UBE2E1: variants seen among roughly 807,000 people sequenced by gnomAD.
The protein encoded by UBE2E1 is ubiquitin-conjugating enzyme E2 E1.
In UBE2E1, 6 loss-of-function variants were observed where a neutral mutation model predicts 21.4. That is an observed-to-expected ratio of 0.28 (90% confidence interval 0.15 to 0.55). The LOEUF is 0.55. Ranked by LOEUF, UBE2E1 falls within the 20% of genes least tolerant of loss-of-function variation. The pLI, the probability that UBE2E1 is intolerant of heterozygous loss-of-function variation, is 0.93. For missense variants in UBE2E1, 142 were observed against 236.5 expected (o/e 0.60, Z 2.62); for synonymous variants, 87 against 82.7 (o/e 1.05, Z -0.28).
At position 23,842,198 on chromosome 3, in the gene UBE2E1, G is replaced by GGGGGGGGGGTGTGTGT. The variant is rs1553637704; in HGVS notation, c.203+30689_203+30690insGGGGGGGGTGTGTGTG. ...TATGTCATGACCCAGTAAGTGAAGG[G>GGGGGGGGGGTGTGTGT]GTGTGTGTGTGTGTGTGTGTGTGTG... On this transcript the variant is annotated intron_variant, in intron 3 of 5. Coordinates refer to ENST00000306627, the MANE Select transcript of UBE2E1 (RefSeq NM_003341.5). The surrounding 1 kb of genome is among the most constrained non-coding windows in gnomAD (Gnocchi z 4.6). 9.6e-6 allele frequency among the ~76,000 whole-genome samples: 1 copy of GGGGGGGGGGTGTGTGT among 104,284 alleles called. No homozygotes were observed. Among genetic ancestry groups the GGGGGGGGGGTGTGTGT allele is most frequent in the African/African-American group, 3.6e-5 (1 of 27,628 alleles). The allele number at this position is 104,284 out of a possible 152,430, so 68.4% of individuals were successfully genotyped here. A position where few individuals can be genotyped will look rare whatever the true frequency, so the allele number is the denominator to read the frequency against.
chr3:23,807,299 C>G lies in UBE2E1; in HGVS notation c.30C>G (p.Thr10=). 3.7e-6 allele frequency: 6 copies of G among 1,613,816 alleles called. No individual in the cohort carries two copies. In the South Asian group the frequency reaches 5.5e-5, roughly 15 times the overall value. ...CGGATGACGATTCGAGGGCCAGCAC[C>G]AGCTCCTCCTCATCTTCGTCTTCCA... MSDDDSRAS[T]SSSSSSSSNQ... is the part of the protein sequence containing the mutation. The change falls in exon 2 of 6, where the codon ACC becomes ACG. Residue 10 remains threonine (T), a synonymous_variant. Transcript: ENST00000306627.
intron 3 of UBE2E1, among the ~76,000 whole-genome samples, chr3:23,848,999 G>A (rs1700267220): frequency 6.6e-6 from 1 of 152,124 alleles, no homozygotes; most frequent in African/African-American, 2.4e-5. Context: ...TTTCATTGTA[G>A]GGATATACCA....
intron 3 of UBE2E1, among the ~76,000 whole-genome samples, chr3:23,818,466 C>T (rs1699574203): frequency 6.6e-6 from 1 of 152,148 alleles, no homozygotes; most frequent in Non-Finnish European, 1.5e-5. Context: ...CATGTTCTTC[C>T]CAACTGCTTT....
chr3:23,878,071 G>A (rs1700955387), intron 3 of UBE2E1, among the ~76,000 whole-genome samples: 1 of 152,086 alleles, frequency 6.6e-6, no homozygotes, highest in Non-Finnish European at 1.5e-5. Flanking sequence ...ACTAACTTGA[G>A]GTCAAATGTC....
intron 3 of UBE2E1, among the ~76,000 whole-genome samples, chr3:23,864,760 ATC>A (rs1411226991): frequency 6.6e-6 from 1 of 152,200 alleles, no homozygotes; most frequent in East Asian, 1.9e-4. Context: ...TTCCTCAGTT[ATC>A]TGTTCCTTAG....
At chr3:23,858,552 T>A (rs1175095751) in intron 3 of UBE2E1, among the ~76,000 whole-genome samples, 1 of 152,170 alleles carries the variant, frequency 6.6e-6, no homozygotes. Context: ...ACTCCTGACC[T>A]CAGATGATCC....
chr3:23,869,419 C>CTGTGTGTGTGTGTGTGTGTGTGTGTG (rs4024641), intron 3 of UBE2E1, among the ~76,000 whole-genome samples: 3 of 132,526 alleles, frequency 2.3e-5, no homozygotes, highest in Admixed American at 1.5e-4. Context: ...TGGTCTTTTC[C>CTGTGTGTGTGTGTGTGTGTGTGTGTG]TGTGTGTGTG....
intron 3 of UBE2E1, among the ~76,000 whole-genome samples, chr3:23,877,345 A>G (rs930178869): frequency 5.3e-5 from 8 of 152,146 alleles, no homozygotes; most frequent in African/African-American, 1.9e-4. Context: ...CTGGAGTCTA[A>G]CAGCTGGGAT....
intron 3 of UBE2E1, among the ~76,000 whole-genome samples, chr3:23,849,485 G>T (rs1300078324): frequency 6.6e-6 from 1 of 152,086 alleles, no homozygotes; most frequent in Non-Finnish European, 1.5e-5. Flanking sequence ...TTAGGTGTTT[G>T]TTCTAATGCT....
chr3:23,866,526 G>A (rs1032420854), intron 3 of UBE2E1: 4 of 152,046 alleles, frequency 2.6e-5, no homozygotes, highest in African/African-American at 7.2e-5. Context: ...GCTCTAGGGG[G>A]AAAAAAGAAT....
Position 23,879,548 on chromosome 3 carries a change from T to C in UBE2E1, c.204-8019T>C. On this transcript the variant is annotated intron_variant, in intron 3 of 5. Transcript: ENST00000306627. Reference sequence around the variant, plus strand: ...AAATTGAAATGCTTTCTTCTTGCTTTAGAACTTCTCTTCGTAGGTGATCCA... The same window carrying C: ...AAATTGAAATGCTTTCTTCTTGCTTCAGAACTTCTCTTCGTAGGTGATCCA... 1.9e-5 allele frequency: 6 copies of C among 318,962 alleles called. No homozygotes were observed. The South Asian group carries it at 2.0e-4, about 11-fold the overall frequency. The allele number at this position is 318,962 out of a possible 1,614,324, so 19.8% of individuals were successfully genotyped here.
At chr3:23,886,739 A>G (rs985461932) in intron 3 of UBE2E1, among the ~76,000 whole-genome samples, 1 of 152,132 alleles carries the variant, frequency 6.6e-6, no homozygotes, top group African/African-American at 2.4e-5. Flanking sequence ...CAGCATCAAA[A>G]CCCCTGACAT....
At chr3:23,843,551 T>C (rs1700136919) in intron 3 of UBE2E1, among the ~76,000 whole-genome samples, 1 of 152,230 alleles carries the variant, frequency 6.6e-6, no homozygotes, top group Admixed American at 6.5e-5. Flanking sequence ...TTTCAATAAA[T>C]GAGATCTATA....
chr3:23,828,854 T>A (rs1699808125), intron 3 of UBE2E1, among the ~76,000 whole-genome samples: 1 of 152,232 alleles, frequency 6.6e-6, no homozygotes, highest in Non-Finnish European at 1.5e-5. Flanking sequence ...TGTCTCACAC[T>A]CTAGTCTGGT....
intron 3 of UBE2E1, among the ~76,000 whole-genome samples, chr3:23,858,407 C>T (rs1453778827): frequency 3.3e-5 from 5 of 152,168 alleles, no homozygotes; most frequent in African/African-American, 1.2e-4. Flanking sequence ...GCAACCTCTG[C>T]CTCCTGGGTT....
chr3:23,881,050 G>A (rs572339516), intron 3 of UBE2E1, among the ~76,000 whole-genome samples: 62 of 152,310 alleles, frequency 4.1e-4, no homozygotes, highest in Non-Finnish European at 7.2e-4. Flanking sequence ...AATGTCTCCA[G>A]GATTGTAGGA....
At chr3:23,821,219 T>C (rs1241596722) in intron 3 of UBE2E1, among the ~76,000 whole-genome samples, 1 of 152,134 alleles carries the variant, frequency 6.6e-6, no homozygotes, top group Non-Finnish European at 1.5e-5. Flanking sequence ...AGGAAAGAAA[T>C]TGACAGAGTG....
At position 23,887,437 on chromosome 3, in the gene UBE2E1, CTTGTT is replaced by C. The variant is rs752793118; in HGVS notation, c.204-125_204-121del. 2 of 1,274,308 alleles carry C rather than the reference CTTGTT, an allele frequency of 1.6e-6. No individual in the cohort carries two copies. 78.9% of individuals were successfully genotyped at this position (1,274,308 alleles called of 1,614,324 possible). A position where few individuals can be genotyped will look rare whatever the true frequency, so the allele number is the denominator to read the frequency against. ...TTGCAGTTCTGCATCCGTTTCTGTACTTGTTTTGTAAAGAGAATCCACACAGTAAA... is the reference window on the plus strand; with the variant it reads ...TTGCAGTTCTGCATCCGTTTCTGTACTTGTAAAGAGAATCCACACAGTAAA... On this transcript the variant is annotated intron_variant, in intron 3 of 5. Transcript: ENST00000306627. This position sits in a 1 kb window ranked among gnomAD's most constrained non-coding sequence, Gnocchi z 4.4.
chr3:23,883,621 A>G (rs1417150343), intron 3 of UBE2E1, among the ~76,000 whole-genome samples: 1 of 152,172 alleles, frequency 6.6e-6, no homozygotes. Context: ...TGACTATCTA[A>G]AACTTGATAT....
Sources: allele counts gnomAD v4.1 joint callset (sites outside exome capture counted in the v4.1 genomes callset), GRCh38; gene constraint gnomAD v4.1.1; non-coding constraint Gnocchi (gnomAD v3.1); transcripts MANE v1.5; gene names NCBI Gene and HGNC (gene_info 2026-07-23, HGNC 2026-07-21).